The following ANKS4B variants were observed in gnomAD, a reference collection of about 807,000 sequenced individuals.
The protein encoded by ANKS4B is ankyrin repeat and SAM domain-containing protein 4B.
A neutral mutation model predicts 20.2 loss-of-function variants in ANKS4B; 21 were observed. The ratio of observed to expected loss-of-function variants is 1.04; its 90% CI spans 0.74 to 1.50. The LOEUF (loss-of-function observed/expected upper bound fraction) is 1.50. ANKS4B is among the 40% of genes most tolerant of loss of function. The pLI is 0.00. For synonymous variants in ANKS4B, 179 were observed against 194.5 expected, an observed-to-expected ratio of 0.92 and a Z score of 0.66; for missense variants, 473 against 494.6, an observed-to-expected ratio of 0.96 and a Z score of 0.41.
chr16:21,236,860 T>A (rs1048281461), intron 1 of ANKS4B, among the ~76,000 whole-genome samples: 1 of 152,236 alleles, frequency 6.6e-6, no homozygotes, highest in African/African-American at 2.4e-5. Context: ...CTATAGTGCA[T>A]ACAAATACAT....
chr16:21,237,535 G>T (rs1341513530), intron 1 of ANKS4B, among the ~76,000 whole-genome samples: 1 of 151,834 alleles, frequency 6.6e-6, no homozygotes, highest in African/African-American at 2.4e-5. Context: ...TTCCAAGATG[G>T]TGCCTTGTTG....
Position 21,251,677 on chromosome 16 carries a change from T to C in ANKS4B, c.*857T>C, listed in dbSNP as rs1567228272. On this transcript the variant is annotated 3_prime_UTR_variant, in exon 2 of 2. Coordinates refer to ENST00000311620, the MANE Select transcript of ANKS4B (RefSeq NM_145865.3). ...TCTAACCCTTTAACAAATGTGTACA[T>C]GTTTACAAGTAATGGAAATGCGTCT... 6.6e-6 allele frequency: 1 copy of C among 152,178 alleles called. No individual in the cohort carries two copies. Among genetic ancestry groups the C allele is most frequent in the Non-Finnish European group, 1.5e-5 (1 of 68,046 alleles). The allele number at this position is 152,178 out of a possible 1,614,324, so 9.4% of individuals were successfully genotyped here.
intron 1 of ANKS4B, among the ~76,000 whole-genome samples, chr16:21,245,616 C>A (rs1004413241): frequency 6.6e-6 from 1 of 152,108 alleles, no homozygotes; most frequent in African/African-American, 2.4e-5. Context: ...AGGCGCGCAC[C>A]ACCATGCCTG....
In ANKS4B at chr16:21,252,689, G is replaced by A. The variant is rs1417262444; in HGVS notation, c.*1869G>A. ...ATTATGTACACATGGTTTATTTACT[G>A]TTGTCTGTCACCATTGCCGCATATC... On this transcript the variant is annotated 3_prime_UTR_variant, in exon 2 of 2. Transcript: ENST00000311620. 4 of 152,196 alleles carry A rather than the reference G, an allele frequency of 2.6e-5. No individual in the cohort carries two copies. Among genetic ancestry groups the A allele is most frequent in the Non-Finnish European group, 4.4e-5 (3 of 68,032 alleles). 9.4% of individuals were successfully genotyped at this position (152,196 alleles called of 1,614,324 possible).
chr16:21,247,850 A>C (rs2093334211), intron 1 of ANKS4B, among the ~76,000 whole-genome samples: 2 of 152,224 alleles, frequency 1.3e-5, no homozygotes, highest in Admixed American at 1.3e-4. Flanking sequence ...TGGCCTTAAT[A>C]CCATCTAATA....
intron 1 of ANKS4B, among the ~76,000 whole-genome samples, chr16:21,241,417 T>C (rs1210575064): frequency 6.6e-6 from 1 of 152,244 alleles, no homozygotes; most frequent in South Asian, 2.1e-4. Flanking sequence ...TTATGGTGTT[T>C]GTTTGTTTGT....
Position 21,250,730 on chromosome 16 carries a change from G to C in ANKS4B, c.1164G>C (p.Gln388His). 6.2e-7 allele frequency: 1 copy of C among 1,609,982 alleles called. No individual in the cohort carries two copies. The highest frequency in any genetic ancestry group is 8.5e-7 in the Non-Finnish European group (1 of 1,176,454). Residue 388 changes from glutamine to histidine, a missense_variant, in exon 2 of 2, where the codon CAG (glutamine) becomes CAC (histidine). Transcript: ENST00000311620. ...AGGACCTTCAGAGCATACAAATGCA[G>C]CTGGGTCCCAGGAAGAAAGTTCTGA... ...SDEDLQSIQMQLGPRKKVLNA... is the reference protein window; with the variant it reads ...SDEDLQSIQMHLGPRKKVLNA...
intron 1 of ANKS4B, among the ~76,000 whole-genome samples, chr16:21,240,693 T>C (rs1018484410): frequency 7.9e-5 from 12 of 152,126 alleles, no homozygotes; most frequent in African/African-American, 2.7e-4. Flanking sequence ...ATATAAACTA[T>C]ACTGAAACCT....
chr16:21,249,515 G>A (rs1211685172), intron 1 of ANKS4B, among the ~76,000 whole-genome samples: 2 of 152,252 alleles, frequency 1.3e-5, no homozygotes, highest in Non-Finnish European at 2.9e-5. Context: ...GGAGACACAC[G>A]GTAGAGATGG....
chr16:21,239,191 CAGTGTGACAATTGCTCCAAGAGCT>C (rs2093323558), intron 1 of ANKS4B, among the ~76,000 whole-genome samples: 1 of 152,232 alleles, frequency 6.6e-6, no homozygotes, highest in African/African-American at 2.4e-5. Context: ...TTGTGGAAAG[CAGTGTGACAATTGCTCCAAGAGCT>C]AAAAGCAGAA....
chr16:21,236,841 C>T (rs1210028804), intron 1 of ANKS4B, among the ~76,000 whole-genome samples: 1 of 152,138 alleles, frequency 6.6e-6, no homozygotes, highest in Non-Finnish European at 1.5e-5. Flanking sequence ...ATAGTTCTCT[C>T]TATATATACT....
chr16:21,237,278 C>T (rs541242783), intron 1 of ANKS4B, among the ~76,000 whole-genome samples: 80 of 152,310 alleles, frequency 5.3e-4, no homozygotes, highest in Middle Eastern at 3.4e-3. Context: ...ACCTCGGCCT[C>T]CCAAAGTGTT....
In ANKS4B at chr16:21,249,911, T is replaced by C; in HGVS notation, c.345T>C (p.Ala115=). 17 of 1,614,122 alleles carry C rather than the reference T, an allele frequency of 1.1e-5. No individual in the cohort carries two copies. The highest frequency in any genetic ancestry group is 1.4e-5 in the Non-Finnish European group (16 of 1,180,020). The part of the protein sequence containing the change: ...AASREQNECV[A]LLDKAATAQN... ...GCAGGGAGCAGAATGAATGTGTTGC[T>C]CTCCTGGACAAGGCTGCCACTGCAC... The change falls in exon 2 of 2, where the codon GCT becomes GCC. Residue 115 remains alanine, a synonymous_variant. Transcript: ENST00000311620.
intron 1 of ANKS4B, among the ~76,000 whole-genome samples, chr16:21,245,559 C>T (rs932912442): frequency 7.9e-5 from 12 of 152,040 alleles, no homozygotes; most frequent in African/African-American, 2.9e-4. Context: ...CTGCAATCTC[C>T]ACCTCCCAGG....
intron 1 of ANKS4B, chr16:21,243,816 A>T (rs571132907): frequency 6.6e-6 from 1 of 152,032 alleles, no homozygotes; most frequent in Non-Finnish European, 1.5e-5. Context: ...CTCGTGATCC[A>T]CCCACCTTGG....
At chr16:21,245,253 C>T (rs2093330949) in intron 1 of ANKS4B, among the ~76,000 whole-genome samples, 1 of 152,092 alleles carries the variant, frequency 6.6e-6, no homozygotes, top group African/African-American at 2.4e-5. Flanking sequence ...GTGGAGTATG[C>T]ATTTAACTGT....
Position 21,250,623 on chromosome 16 carries a change from C to A in ANKS4B, c.1057C>A (p.Leu353Met). The A allele has an allele frequency of 6.2e-7, 1 of 1,614,108 alleles. No individual in the cohort carries two copies. Among genetic ancestry groups the A allele is most frequent in the Non-Finnish European group, 8.5e-7 (1 of 1,179,968 alleles). The change falls in exon 2 of 2, where the codon CTG becomes ATG. Residue 353 changes from leucine to methionine, a missense_variant. Leu to Met is a conservative substitution (Grantham distance 15, BLOSUM62 2). Coordinates refer to ENST00000311620, the MANE Select transcript of ANKS4B (RefSeq NM_145865.3). Reference sequence around the variant, plus strand: ...TGCCACGCCCCTGGAAGTGTTCTTGCTGTCTCAGCACCTGGAAGAATTCCT... The same window carrying A: ...TGCCACGCCCCTGGAAGTGTTCTTGATGTCTCAGCACCTGGAAGAATTCCT... ...VDATPLEVFL[L>M]SQHLEEFLPI...
intron 1 of ANKS4B, chr16:21,239,081 A>C (rs1031423951): frequency 1.3e-5 from 2 of 152,236 alleles, no homozygotes; most frequent in Non-Finnish European, 2.9e-5. Flanking sequence ...CATCAGTCAG[A>C]ATGGCTATTA....
intron 1 of ANKS4B, among the ~76,000 whole-genome samples, chr16:21,236,587 T>A (rs1200553450): frequency 6.6e-6 from 1 of 152,266 alleles, no homozygotes; most frequent in South Asian, 2.1e-4. Context: ...TATTTTTTAT[T>A]TTTACTAGAG....
Sources: gnomAD v4.1 joint callset for allele counts (sites outside exome capture counted in the v4.1 genomes callset) on GRCh38, gnomAD v4.1.1 for gene constraint, MANE v1.5 for transcripts, NCBI Gene and HGNC (gene_info 2026-07-23, HGNC 2026-07-21) for gene names.